MCHR2: variants seen among roughly 807,000 people sequenced by gnomAD.
MCHR2 encodes melanin concentrating hormone receptor 2.
MCHR2 carries 15 observed loss-of-function variants against 24.8 expected under a neutral mutation model. That is an observed-to-expected ratio of 0.60 (90% CI 0.40 to 0.93). MCHR2 has a LOEUF of 0.93. Ranked by LOEUF, MCHR2 falls within the 40% of genes least tolerant of loss-of-function variation. The pLI is 0.00. For missense variants in MCHR2, 386 were observed against 408.7 expected (o/e 0.94, Z 0.48); for synonymous variants, 151 against 147.6 (o/e 1.02, Z -0.17).
chr6:99,932,330 A>G (rs1220059727), intron 5 of MCHR2, among the ~76,000 whole-genome samples: 1 of 152,198 alleles, frequency 6.6e-6, no homozygotes, highest in African/African-American at 2.4e-5. Context: ...AGGAGAGAAG[A>G]GCCAGACCTT....
chr6:99,950,551 T>C (rs530758547), intron 2 of MCHR2, among the ~76,000 whole-genome samples: 2 of 152,254 alleles, frequency 1.3e-5, no homozygotes, highest in African/African-American at 4.8e-5. Context: ...CCACACTCAA[T>C]AGGATGTACC....
intron 4 of MCHR2, among the ~76,000 whole-genome samples, chr6:99,942,615 G>A (rs999170091): frequency 2.0e-5 from 3 of 152,200 alleles, no homozygotes; most frequent in Admixed American, 2.0e-4. Context: ...GCATACTGAT[G>A]AGGTGGAGTC....
At chr6:99,948,698 T>C (rs982369370) in intron 2 of MCHR2, among the ~76,000 whole-genome samples, 3 of 152,202 alleles carry the variant, frequency 2.0e-5, no homozygotes, top group Non-Finnish European at 2.9e-5. Flanking sequence ...ATACCAACTT[T>C]AAATACACTC....
In MCHR2 at chr6:99,933,106, G is replaced by A. The variant is rs140079552; in HGVS notation, c.707+1292C>T. Among the ~76,000 whole-genome samples the A allele has an allele frequency of 4.7e-3, 708 of 152,018 alleles. 6 individuals carry two copies. The highest frequency in any genetic ancestry group is 0.016 in the African/African-American group (660 of 41,478). ...TAATCATGTTATGTCATATTTAGGC[G>A]TTTAATGGAAATTTCCCTGGGACAT... On this transcript the variant is annotated intron_variant, in intron 5 of 5. Transcript: ENST00000281806.
chr6:99,943,189 C>T (rs1181351993), intron 3 of MCHR2, 46 bp from the exon 4 acceptor site: 2 of 1,501,424 alleles, frequency 1.3e-6, no homozygotes, highest in Non-Finnish European at 1.8e-6. Context: ...AATAAAAGCA[C>T]TGAGCTCCAA....
intron 1 of MCHR2, among the ~76,000 whole-genome samples, chr6:99,975,813 A>G (rs374192036): frequency 3.3e-5 from 5 of 152,384 alleles, no homozygotes; most frequent in African/African-American, 1.2e-4. Flanking sequence ...CACTTAAATC[A>G]GTATAGCTTA....
intron 1 of MCHR2, among the ~76,000 whole-genome samples, chr6:99,965,233 CTTT>C (rs1775274002): frequency 6.6e-6 from 1 of 152,172 alleles, no homozygotes; most frequent in Non-Finnish European, 1.5e-5. Context: ...CTGTTCTCTT[CTTT>C]ATTAATGCTT....
intron 3 of MCHR2, among the ~76,000 whole-genome samples, chr6:99,945,827 A>G (rs1774862520): frequency 6.6e-6 from 1 of 152,140 alleles, no homozygotes; most frequent in South Asian, 2.1e-4. Flanking sequence ...ATTTTAGCAT[A>G]CTATGTCCAT....
At chr6:99,961,638 T>C (rs1004557043) in intron 1 of MCHR2, among the ~76,000 whole-genome samples, 2 of 152,038 alleles carry the variant, frequency 1.3e-5, no homozygotes, top group Admixed American at 1.3e-4. Flanking sequence ...TTCTCACTGA[T>C]AGGTGAGAGT....
In MCHR2 at chr6:99,992,262, T is replaced by C. The variant is rs1200479633; in HGVS notation, c.-28+1674A>G. On this transcript the variant is annotated intron_variant, in intron 1 of 5. Transcript: ENST00000281806. ...TCCTGAGCCATAGTTCTAATGGGCA[T>C]CCAAAGGTCCTGTGAAGGGGGAGGC... 2.0e-5 allele frequency among the ~76,000 whole-genome samples: 3 copies of C among 152,212 alleles called. No homozygotes were observed. In the East Asian group the frequency reaches 5.8e-4, roughly 29 times the overall value.
chr6:99,946,028 T>G (rs1161336020), intron 3 of MCHR2, among the ~76,000 whole-genome samples: 1 of 151,946 alleles, frequency 6.6e-6, no homozygotes, highest in Non-Finnish European at 1.5e-5. Flanking sequence ...TTATTTTTTT[T>G]TTTTTCAAAA....
chr6:99,935,153 T>C (rs1234818301), intron 4 of MCHR2, among the ~76,000 whole-genome samples: 1 of 152,064 alleles, frequency 6.6e-6, no homozygotes, highest in African/African-American at 2.4e-5. Context: ...TTTGTAAAAA[T>C]CAAATCAGTG....
At chr6:99,934,261 T>G (rs1021495214) in intron 5 of MCHR2, 137 bp downstream of exon 5, 1 of 836,322 alleles carries the variant, frequency 1.2e-6, no homozygotes, top group Admixed American at 3.4e-5. Flanking sequence ...TTCCAAAAAT[T>G]TTTTCTATAG....
intron 5 of MCHR2, among the ~76,000 whole-genome samples, chr6:99,928,592 C>A (rs1324155766): frequency 6.6e-6 from 1 of 152,152 alleles, no homozygotes; most frequent in Admixed American, 6.5e-5. Flanking sequence ...AGGAATTTAT[C>A]CATTTCTTCT....
intron 1 of MCHR2, among the ~76,000 whole-genome samples, chr6:99,975,403 G>GT (rs1320659365): frequency 6.6e-6 from 1 of 152,294 alleles, no homozygotes; most frequent in East Asian, 1.9e-4. Flanking sequence ...CTGGTGTCCC[G>GT]TTTTTTAAGC....
chr6:99,975,567 C>G (rs186433687), intron 1 of MCHR2, among the ~76,000 whole-genome samples: 4 of 152,318 alleles, frequency 2.6e-5, no homozygotes. Flanking sequence ...GCATGGTGCG[C>G]TGCACCCACT....
intron 4 of MCHR2, among the ~76,000 whole-genome samples, chr6:99,937,220 C>G (rs1255877445): frequency 2.0e-5 from 3 of 151,910 alleles, no homozygotes; most frequent in African/African-American, 4.8e-5. Context: ...CCTAATTGCT[C>G]TGGCTAGGAT....
At chr6:99,926,859 T>C (rs1774373221) in intron 5 of MCHR2, among the ~76,000 whole-genome samples, 1 of 152,230 alleles carries the variant, frequency 6.6e-6, no homozygotes, top group African/African-American at 2.4e-5. Flanking sequence ...CATTTGTCAA[T>C]TTTGGCTTTT....
chr6:99,926,144 T>A (rs922553641), intron 5 of MCHR2, among the ~76,000 whole-genome samples: 4 of 152,192 alleles, frequency 2.6e-5, no homozygotes, highest in Admixed American at 6.5e-5. Flanking sequence ...TTCATCCATG[T>A]CCCTATAAAG....
Sources: allele counts gnomAD v4.1 joint callset (sites outside exome capture counted in the v4.1 genomes callset), GRCh38; gene constraint gnomAD v4.1.1; transcripts MANE v1.5; gene names NCBI Gene and HGNC (gene_info 2026-07-23, HGNC 2026-07-21).